The following RFC1 variants were observed in gnomAD, a reference collection of about 807,000 sequenced individuals.
The protein encoded by RFC1 is replication factor C subunit 1.
In RFC1, 37 loss-of-function variants were observed where a neutral mutation model predicts 137.4. The observed-to-expected ratio is 0.27, with a 90% CI of 0.21 to 0.35. RFC1 has a LOEUF of 0.35. Among genes scored for constraint, RFC1 ranks in the 10% least tolerant of loss-of-function variants. The pLI, the probability that RFC1 is intolerant of heterozygous loss-of-function variation, is 1.00. For missense variants in RFC1, 1,205 were observed against 1,358.5 expected, an observed-to-expected ratio of 0.89 and a Z score of 1.78; for synonymous variants, 429 against 455.7, an observed-to-expected ratio of 0.94 and a Z score of 0.75.
In RFC1 at chr4:39,306,647, A is replaced by C; in HGVS notation, c.1940T>G (p.Leu647Trp). ...GCCAACACCAGGAGGGCCTGACAGC[A>C]ACGCTGCTTTAAAACTAGAGCCATC... Reference protein sequence around the residue: ...KDDGSSFKAALLSGPPGVGKT... With the variant: ...KDDGSSFKAAWLSGPPGVGKT... Residue 647 changes from leucine (L) to tryptophan (W), a missense_variant, in exon 14 of 25, where the codon TTG becomes TGG. This residue lies in a region of RFC1 where 962 missense variants were observed against 1,035.3 expected (regional missense o/e 0.93). Transcript: ENST00000349703. 3.1e-6 allele frequency: 5 copies of C among 1,614,008 alleles called. No individual in the cohort carries two copies. The highest frequency in any genetic ancestry group is 4.2e-6 in the Non-Finnish European group (5 of 1,179,846).
intron 22 of RFC1, among the ~76,000 whole-genome samples, chr4:39,295,373 T>G (rs1737927648): frequency 6.6e-6 from 1 of 152,218 alleles, no homozygotes; most frequent in South Asian, 2.1e-4. Context: ...AAATTTTAAA[T>G]TATGACATCT....
intron 11 of RFC1, among the ~76,000 whole-genome samples, chr4:39,312,460 C>G (rs1172798072): frequency 6.6e-6 from 1 of 151,846 alleles, no homozygotes; most frequent in Non-Finnish European, 1.5e-5. Flanking sequence ...AGGAATACTT[C>G]GGACTGGAAG....
intron 19 of RFC1, among the ~76,000 whole-genome samples, chr4:39,301,266 G>A (rs1738346753): frequency 2.0e-5 from 3 of 152,198 alleles, no homozygotes; most frequent in South Asian, 4.1e-4. Context: ...GTGGCTGCCA[G>A]GGGTTGTAGG....
intron 1 of RFC1, among the ~76,000 whole-genome samples, chr4:39,365,175 A>AAAT: frequency 6.6e-6 from 1 of 151,200 alleles, no homozygotes; most frequent in African/African-American, 2.4e-5. Context: ...AAAAAAAAAA[A>AAAT]ACCATGGAAA....
chr4:39,342,964 C>A (rs558031768), intron 3 of RFC1, among the ~76,000 whole-genome samples: 1 of 152,328 alleles, frequency 6.6e-6, no homozygotes, highest in African/African-American at 2.4e-5. Flanking sequence ...TCTCTAAACC[C>A]TTTTTCTACC....
At chr4:39,358,272 C>CA (rs1348604156) in intron 1 of RFC1, among the ~76,000 whole-genome samples, 9 of 149,376 alleles carry the variant, frequency 6.0e-5, no homozygotes, top group African/African-American at 1.2e-4. Context: ...AATTCCGTTT[C>CA]AAAAAAAAAG....
chr4:39,320,870 G>A (rs1444367688), intron 8 of RFC1, among the ~76,000 whole-genome samples: 1 of 152,130 alleles, frequency 6.6e-6, no homozygotes, highest in African/African-American at 2.4e-5. Context: ...ACTAGCAGAT[G>A]ATTTGCTATC....
intron 10 of RFC1, among the ~76,000 whole-genome samples, chr4:39,314,023 T>C (rs1371032023): frequency 6.6e-6 from 1 of 152,260 alleles, no homozygotes; most frequent in African/African-American, 2.4e-5. Context: ...CATTCCAAGT[T>C]ACTTATTACT....
intron 2 of RFC1, among the ~76,000 whole-genome samples, chr4:39,348,115 C>A (rs1046568649): frequency 6.6e-6 from 1 of 151,944 alleles, no homozygotes; most frequent in African/African-American, 2.4e-5. Flanking sequence ...TCAGCCTGTC[C>A]GTATTTCAGA....
At chr4:39,334,766 G>A (rs1365901254) in intron 4 of RFC1, among the ~76,000 whole-genome samples, 1 of 152,122 alleles carries the variant, frequency 6.6e-6, no homozygotes, top group African/African-American at 2.4e-5. Context: ...CTGTCTTCTT[G>A]TAAAAACACC....
intron 4 of RFC1, chr4:39,341,472 G>T (rs1272403377): frequency 2.6e-6 from 1 of 381,822 alleles, no homozygotes; most frequent in South Asian, 1.9e-5. Flanking sequence ...CAAAAAATAT[G>T]TTCACATCAC....
rs201637332 is a variant in RFC1 at position 39,326,561 on chromosome 4, A to T, written c.642+2T>A. On this transcript the variant is annotated splice_donor_variant, in intron 6 of 24. Transcript: ENST00000349703. LOFTEE classifies it high-confidence loss of function. ...TAATGATTCTAAGCAAAATGCCAAT[A>T]CCTCCGCATCTTCATCAAGCTGTAA... The T allele has an allele frequency of 1.4e-4, 222 of 1,611,028 alleles. No homozygotes were observed. The highest frequency in any genetic ancestry group is 1.8e-4 in the Non-Finnish European group (215 of 1,177,904).
At chr4:39,306,872 G>A (rs920685985) in intron 13 of RFC1, among the ~76,000 whole-genome samples, 171 bp from the exon 14 acceptor site, 4 of 152,156 alleles carry the variant, frequency 2.6e-5, no homozygotes, top group Non-Finnish European at 5.9e-5. Flanking sequence ...AGCATTCAGT[G>A]AAATTCTACT....
chr4:39,291,899 C>G, intron 22 of RFC1, 47 bp from the exon 23 acceptor site: 1 of 1,362,432 alleles, frequency 7.3e-7, no homozygotes, highest in Non-Finnish European at 1.1e-6. Context: ...AGTATCAACT[C>G]AAGTCATACT....
At chr4:39,313,084 C>T (rs949862018) in intron 10 of RFC1, among the ~76,000 whole-genome samples, 153 bp from the exon 11 acceptor site, 3 of 152,174 alleles carry the variant, frequency 2.0e-5, no homozygotes, top group African/African-American at 4.8e-5. Context: ...AGCAAATAAG[C>T]ACCACCTGAA....
intron 4 of RFC1, among the ~76,000 whole-genome samples, chr4:39,331,890 T>C (rs1463373078): frequency 6.6e-6 from 1 of 152,220 alleles, no homozygotes; most frequent in Non-Finnish European, 1.5e-5. Context: ...GGCTGTGCCC[T>C]TAACCCAAAT....
chr4:39,309,487 A>G (rs904252704), intron 12 of RFC1, among the ~76,000 whole-genome samples: 1 of 152,254 alleles, frequency 6.6e-6, no homozygotes, highest in Non-Finnish European at 1.5e-5. Flanking sequence ...AATATTATTT[A>G]CCCCTAACAA....
At chr4:39,295,042 T>C (rs146873948) in intron 22 of RFC1, among the ~76,000 whole-genome samples, 42 of 152,294 alleles carry the variant, frequency 2.8e-4, no homozygotes, top group African/African-American at 9.1e-4. Context: ...GTGTACTTAA[T>C]ATTTATGCAC....
chr4:39,349,794 C>G (rs1230931489), intron 2 of RFC1, among the ~76,000 whole-genome samples: 1 of 152,080 alleles, frequency 6.6e-6, no homozygotes, highest in South Asian at 2.1e-4. Context: ...CACCTGAGAT[C>G]GGGAGTTTGA....
Sources: gnomAD v4.1 joint callset for allele counts (sites outside exome capture counted in the v4.1 genomes callset) on GRCh38, gnomAD v4.1.1 for gene constraint, gnomAD v4.1.1 regional missense constraint, MANE v1.5 for transcripts, NCBI Gene and HGNC (gene_info 2026-07-23, HGNC 2026-07-21) for gene names.